The following MIA2 variants were observed in gnomAD, a reference collection of about 807,000 sequenced individuals.
MIA2 encodes the protein MIA SH3 domain ER export factor 2.
A neutral mutation model predicts 167.8 loss-of-function variants in MIA2; 127 were observed. The observed-to-expected ratio is 0.76, with a 90% CI of 0.66 to 0.88. MIA2 has a LOEUF of 0.88. Among genes scored for constraint, MIA2 ranks in the 40% least tolerant of loss-of-function variants. The pLI, the probability that MIA2 is intolerant of heterozygous loss-of-function variation, is 0.00. For missense variants in MIA2, 1,690 were observed against 1,624.7 expected (o/e 1.04, Z -0.69); for synonymous variants, 552 against 541.9 (o/e 1.02, Z -0.26).
At chr14:39,266,761 C>A (rs1594770355) in intron 6 of MIA2, 1 of 984,540 alleles carries the variant, frequency 1.0e-6, no homozygotes, top group South Asian at 4.7e-5. Flanking sequence ...TTCTGCAGGG[C>A]GCAGACAGCA....
chr14:39,275,631 T>G lies in MIA2; in HGVS notation c.1888-1303T>G, dbSNP rs191690783. 5.3e-5 allele frequency among the ~76,000 whole-genome samples: 8 copies of G among 152,352 alleles called. No homozygotes were observed. In the East Asian group the frequency reaches 1.5e-3, roughly 29 times the overall value. On this transcript the variant is annotated intron_variant, in intron 6 of 28. Transcript: ENST00000640607. ...AATTTTTGAGTTAGTGTGCGTCTTA[T>G]GTGTTGAATACATTAGCTAAAAGTA... is the stretch of plus-strand genomic sequence containing the variant.
chr14:39,302,376 C>A, intron 15 of MIA2, 127 bp downstream of exon 15: 1 of 1,064,644 alleles, frequency 9.4e-7, no homozygotes, highest in Non-Finnish European at 1.4e-6. Context: ...GTCTGTGACA[C>A]ACTGTCCTTT....
intron 23 of MIA2, among the ~76,000 whole-genome samples, chr14:39,379,936 CA>C (rs1310955014): frequency 1.3e-5 from 2 of 151,902 alleles, no homozygotes; most frequent in African/African-American, 4.8e-5. Flanking sequence ...ACAACAACAA[CA>C]AAAACCCCAC....
At chr14:39,257,880 AT>A (rs1310466490) in intron 6 of MIA2, among the ~76,000 whole-genome samples, 5 of 152,114 alleles carry the variant, frequency 3.3e-5, no homozygotes, top group African/African-American at 4.8e-5. Flanking sequence ...TGGGTTGAAA[AT>A]TGTTTTCTTT....
Position 39,386,549 on chromosome 14 carries a change from T to C in MIA2, c.2249-336T>C. Reference sequence around the variant, plus strand: ...CACATTTCTCCTTTTTCTTTGGTGATTTTCTTTTGGTCTCTTTGTTATCAT... The same window carrying C: ...CACATTTCTCCTTTTTCTTTGGTGACTTTCTTTTGGTCTCTTTGTTATCAT... On this transcript the variant is annotated intron_variant, in intron 23 of 23. Transcript: ENST00000341502. The C allele has an allele frequency of 2.3e-6, 3 of 1,292,788 alleles. No individual in the cohort carries two copies. The South Asian group carries it at 3.9e-5, about 17-fold the overall frequency. The allele number at this position is 1,292,788 out of a possible 1,614,324, so 80.1% of individuals were successfully genotyped here.
chr14:39,263,789 GC>G (rs2055267682), intron 6 of MIA2, among the ~76,000 whole-genome samples: 1 of 151,812 alleles, frequency 6.6e-6, no homozygotes, highest in African/African-American at 2.4e-5. Context: ...ACACTACCAT[GC>G]CCAGCTAATT....
intron 21 of MIA2, among the ~76,000 whole-genome samples, chr14:39,316,639 G>T (rs2065506179): frequency 6.6e-6 from 1 of 152,150 alleles, no homozygotes; most frequent in Admixed American, 6.5e-5. Flanking sequence ...GATTAGGTGT[G>T]GTGAATGTCT....
chr14:39,266,137 C>T, intron 6 of MIA2: 5 of 985,384 alleles, frequency 5.1e-6, no homozygotes, highest in Non-Finnish European at 6.0e-6. Flanking sequence ...TTTTGTTCAT[C>T]TATTGAGTTC....
intron 12 of MIA2, among the ~76,000 whole-genome samples, 198 bp from the exon 13 acceptor site, chr14:39,294,727 A>C (rs1221025456): frequency 6.6e-6 from 1 of 152,194 alleles, no homozygotes; most frequent in Non-Finnish European, 1.5e-5. Context: ...CCAAGGTCAC[A>C]TCGTAGCAAG....
intron 23 of MIA2, among the ~76,000 whole-genome samples, chr14:39,365,215 G>T (rs183574313): frequency 6.6e-6 from 1 of 152,018 alleles, no homozygotes; most frequent in East Asian, 1.9e-4. Flanking sequence ...ACAGGCATGC[G>T]CCACCAAGCC....
rs1340675237 is a variant in MIA2, at chr14:39,234,242, C to T, written c.115+13C>T. The stretch of plus-strand genomic sequence containing the variant: ...TTGGAATGTGAAGGTAAGTTTGCTT[C>T]CCCCGCTTCTTCTCCTCCTAAATTG... On this transcript the variant is annotated intron_variant, in intron 1 of 28. Coordinates refer to ENST00000640607, the MANE Select transcript of MIA2 (RefSeq NM_001329214.4). 16 of 1,535,704 alleles carry T rather than the reference C, an allele frequency of 1.0e-5. No individual in the cohort carries two copies. Among genetic ancestry groups the T allele is most frequent in the Middle Eastern group, 1.7e-4 (1 of 5,906 alleles).
intron 14 of MIA2, among the ~76,000 whole-genome samples, chr14:39,300,951 C>T (rs75227564): frequency 3.3e-4 from 1 of 3,028 alleles, no homozygotes; most frequent in Non-Finnish European, 2.5e-3. Flanking sequence ...TACATATATA[C>T]ACATACATAT....
intron 24 of MIA2, among the ~76,000 whole-genome samples, chr14:39,326,525 C>A (rs1233807809): frequency 6.6e-6 from 1 of 151,628 alleles, no homozygotes; most frequent in African/African-American, 2.4e-5. Context: ...GCTAAGATGA[C>A]TGTTTTAAAG....
At chr14:39,340,094 T>G (rs1455790332) in intron 25 of MIA2, among the ~76,000 whole-genome samples, 1 of 152,168 alleles carries the variant, frequency 6.6e-6, no homozygotes, top group African/African-American at 2.4e-5. Flanking sequence ...CCTCCCACCT[T>G]GGCCTCCCAA....
exon 24 of MIA2, chr14:39,386,902 G>C (rs994281215): frequency 2.5e-6 from 2 of 789,822 alleles, no homozygotes; most frequent in Admixed American, 2.1e-5. Flanking sequence ...CTCTCCGCCC[G>C]GGGCAGGAGC....
At chr14:39,374,835 T>C (rs139191021) in intron 23 of MIA2, among the ~76,000 whole-genome samples, 3 of 151,906 alleles carry the variant, frequency 2.0e-5, no homozygotes, top group African/African-American at 7.3e-5. Flanking sequence ...CGTGTAATAC[T>C]TCATATTTTT....
At chr14:39,270,884 T>G (rs879704591) in intron 6 of MIA2, among the ~76,000 whole-genome samples, 9 of 152,230 alleles carry the variant, frequency 5.9e-5, no homozygotes, top group Non-Finnish European at 8.8e-5. Context: ...GATAAATGAT[T>G]TAGAAAGATT....
At chr14:39,260,482 G>T (rs10134788) in intron 6 of MIA2, among the ~76,000 whole-genome samples, 141,683 of 152,320 alleles carry the variant, frequency 0.93, 66,006 homozygotes, top group African/African-American at 0.96. Flanking sequence ...TTTTCATGTG[G>T]CTGTTGGCTG....
At chr14:39,279,842 G>A (rs546335756) in intron 9 of MIA2, among the ~76,000 whole-genome samples, 4 of 152,154 alleles carry the variant, frequency 2.6e-5, no homozygotes, top group South Asian at 4.1e-4. Flanking sequence ...TTCTCTTTTC[G>A]TAAAGACACC....
Sources: gnomAD v4.1 joint callset for allele counts (sites outside exome capture counted in the v4.1 genomes callset) on GRCh38, gnomAD v4.1.1 for gene constraint, MANE v1.5 for transcripts, NCBI Gene and HGNC (gene_info 2026-07-23, HGNC 2026-07-21) for gene names.